The following ATP8A1 variants were observed in gnomAD, a reference collection of about 807,000 sequenced individuals.
ATP8A1 encodes ATPase phospholipid transporting 8A1.
ATP8A1 carries 90 observed loss-of-function variants against 177.7 expected under a neutral mutation model. That is an observed-to-expected ratio of 0.51 (90% CI 0.43 to 0.60). ATP8A1 has a LOEUF of 0.60. ATP8A1 is among the 20% of genes least tolerant of loss of function. The pLI is 0.00. For missense variants in ATP8A1, 1,072 were observed against 1,392.8 expected (o/e 0.77, Z 3.67); for synonymous variants, 493 against 485.9 (o/e 1.01, Z -0.19).
Position 42,557,123 on chromosome 4 carries a change from G to T in ATP8A1, c.1341-1083C>A, listed in dbSNP as rs968335167. ...GGAGGAAGTTAGAATGTTTATAATG[G>T]AACACATATCTACATGTAGTAACTT... On this transcript the variant is annotated intron_variant, in intron 15 of 36. Coordinates refer to ENST00000381668, the MANE Select transcript of ATP8A1 (RefSeq NM_006095.2). 2.0e-5 allele frequency among the ~76,000 whole-genome samples: 3 copies of T among 152,066 alleles called. No homozygotes were observed. The East Asian group carries it at 5.8e-4, about 29-fold the overall frequency.
At chr4:42,586,106 C>G (rs1348589798) in intron 9 of ATP8A1, among the ~76,000 whole-genome samples, 1 of 152,174 alleles carries the variant, frequency 6.6e-6, no homozygotes, top group Non-Finnish European at 1.5e-5. Flanking sequence ...CTGGGAATAT[C>G]TCTGAAAATA....
intron 14 of ATP8A1, among the ~76,000 whole-genome samples, chr4:42,572,179 A>C (rs977766849): frequency 6.6e-6 from 1 of 152,216 alleles, no homozygotes; most frequent in Non-Finnish European, 1.5e-5. Flanking sequence ...CCCTAGGGGC[A>C]TAAACACCTT....
chr4:42,611,338 A>G (rs773060879), intron 5 of ATP8A1, among the ~76,000 whole-genome samples: 8 of 152,206 alleles, frequency 5.3e-5, no homozygotes, highest in Non-Finnish European at 7.3e-5. Flanking sequence ...CTAAATAATC[A>G]GAAAACTGCT....
chr4:42,637,643 A>T lies in ATP8A1; in HGVS notation c.50-10534T>A, dbSNP rs560255376. On this transcript the variant is annotated intron_variant, in intron 1 of 36. Transcript: ENST00000381668. Reference sequence around the variant, plus strand: ...GTCACTGAGCACCAAAGGCAAGACAACATTTGGAAACTGATAAAGTCCAAC... The same window carrying T: ...GTCACTGAGCACCAAAGGCAAGACATCATTTGGAAACTGATAAAGTCCAAC... 3.9e-5 allele frequency among the ~76,000 whole-genome samples: 6 copies of T among 152,348 alleles called. No homozygotes were observed. In the South Asian group the frequency reaches 1.2e-3, roughly 32 times the overall value.
intron 4 of ATP8A1, among the ~76,000 whole-genome samples, chr4:42,619,259 A>G (rs1034437766): frequency 6.6e-5 from 10 of 152,106 alleles, no homozygotes; most frequent in Admixed American, 5.2e-4. Flanking sequence ...TTTGGTTCCT[A>G]CGCATTGTAG....
intron 33 of ATP8A1, among the ~76,000 whole-genome samples, chr4:42,430,560 T>C (rs1042623705): frequency 2.6e-5 from 4 of 151,964 alleles, no homozygotes; most frequent in African/African-American, 9.7e-5. Context: ...TCATGGGGGT[T>C]TGACATGCAG....
rs376259992 is a variant in ATP8A1, at chr4:42,575,723, T to C, written c.1129-24A>G. ...TCCTTTAATAAAATTAAGTAAATCA[T>C]TGAACACAACTGGTAATAAGGAATT... On this transcript the variant is annotated intron_variant, in intron 12 of 36. Transcript: ENST00000381668. The C allele has an allele frequency of 5.9e-5, 94 of 1,586,398 alleles. 1 individual carries two copies. In the African/African-American group the frequency reaches 7.4e-4, roughly 12 times the overall value.
chr4:42,528,636 C>T (rs946928289), intron 20 of ATP8A1, among the ~76,000 whole-genome samples: 1 of 152,048 alleles, frequency 6.6e-6, no homozygotes, highest in African/African-American at 2.4e-5. Flanking sequence ...CTATAAGGCC[C>T]ACCAAGCAAT....
chr4:42,494,007 G>C (rs1414208974), intron 24 of ATP8A1, among the ~76,000 whole-genome samples: 1 of 151,778 alleles, frequency 6.6e-6, no homozygotes, highest in Non-Finnish European at 1.5e-5. Flanking sequence ...TTTGAGACCA[G>C]CCTGGCCAAC....
intron 25 of ATP8A1, among the ~76,000 whole-genome samples, chr4:42,482,082 G>C (rs1721727316): frequency 6.6e-6 from 1 of 152,110 alleles, no homozygotes; most frequent in Admixed American, 6.6e-5. Flanking sequence ...TGTGTGGACT[G>C]CCTGAACTCA....
chr4:42,545,847 A>G (rs1286199338), intron 19 of ATP8A1, among the ~76,000 whole-genome samples: 1 of 152,034 alleles, frequency 6.6e-6, no homozygotes, highest in Non-Finnish European at 1.5e-5. Context: ...GGTGATGTGC[A>G]CCTGCAATCC....
intron 33 of ATP8A1, among the ~76,000 whole-genome samples, chr4:42,439,900 G>A (rs368659278): frequency 1.3e-5 from 2 of 152,214 alleles, no homozygotes; most frequent in Admixed American, 6.5e-5. Flanking sequence ...CAGACCTGGG[G>A]ATCAGACATC....
At chr4:42,593,880 T>C (rs1734453848) in intron 6 of ATP8A1, among the ~76,000 whole-genome samples, 2 of 152,016 alleles carry the variant, frequency 1.3e-5, no homozygotes, top group African/African-American at 4.8e-5. Context: ...ATTCATCCAT[T>C]TTTTTATACC....
At chr4:42,426,426 A>G (rs976792673) in intron 33 of ATP8A1, among the ~76,000 whole-genome samples, 7 of 152,240 alleles carry the variant, frequency 4.6e-5, no homozygotes, top group African/African-American at 1.7e-4. Flanking sequence ...GGCCCTTTGC[A>G]GAACTCTAAG....
At chr4:42,521,874 T>C (rs1437434650) in intron 22 of ATP8A1, among the ~76,000 whole-genome samples, 1 of 152,016 alleles carries the variant, frequency 6.6e-6, no homozygotes, top group Non-Finnish European at 1.5e-5. Context: ...TCCTCAGAGA[T>C]CCAGAAACTG....
At chr4:42,446,379 T>C (rs1717255492) in intron 31 of ATP8A1, among the ~76,000 whole-genome samples, 1 of 152,146 alleles carries the variant, frequency 6.6e-6, no homozygotes, top group Non-Finnish European at 1.5e-5. Flanking sequence ...TGATTTCCTA[T>C]CATTCAGTTA....
At position 42,438,846 on chromosome 4, in the gene ATP8A1, T is replaced by C. The variant is rs79833750; in HGVS notation, c.3123+4719A>G. On this transcript the variant is annotated intron_variant, in intron 33 of 36. Transcript: ENST00000381668. ...TCTGGGTCACTGGCTATTTCTTTGC[T>C]TACTACACAGATTTGGAACATGAGT... 1.3e-3 allele frequency among the ~76,000 whole-genome samples: 193 copies of C among 152,310 alleles called. 1 individual carries two copies. The highest frequency in any genetic ancestry group is 4.5e-3 in the African/African-American group (189 of 41,570).
chr4:42,537,220 C>G (rs774443877), intron 20 of ATP8A1, among the ~76,000 whole-genome samples: 1 of 151,572 alleles, frequency 6.6e-6, no homozygotes. Flanking sequence ...ACCCAGCATC[C>G]CTTTATGATT....
intron 1 of ATP8A1, among the ~76,000 whole-genome samples, chr4:42,636,154 A>ACGCGCGTGCG (rs765930469): frequency 2.1e-5 from 1 of 47,538 alleles, no homozygotes; most frequent in Non-Finnish European, 7.2e-5. Context: ...ACACACACAC[A>ACGCGCGTGCG]CACGCACACA....
Sources: gnomAD v4.1 joint callset for allele counts (sites outside exome capture counted in the v4.1 genomes callset) on GRCh38, gnomAD v4.1.1 for gene constraint, MANE v1.5 for transcripts, NCBI Gene and HGNC (gene_info 2026-07-23, HGNC 2026-07-21) for gene names.